The following LCLAT1 variants were observed in gnomAD, a reference collection of about 807,000 sequenced individuals.
LCLAT1 encodes the protein 1-AGP acyltransferase 8.
A neutral mutation model predicts 30.7 loss-of-function variants in LCLAT1; 11 were observed. That is an observed-to-expected ratio of 0.36 (90% CI 0.23 to 0.59). The LOEUF (loss-of-function observed/expected upper bound fraction) is 0.59. Among genes scored for constraint, LCLAT1 ranks in the 20% least tolerant of loss-of-function variants. LCLAT1 has a pLI of 0.77. For synonymous variants in LCLAT1, 155 were observed against 151.3 expected (o/e 1.02, Z -0.18); for missense variants, 402 against 458.6 (o/e 0.88, Z 1.13).
chr2:30,466,086 T>A (rs747672377), intron 1 of LCLAT1, among the ~76,000 whole-genome samples: 1 of 152,134 alleles, frequency 6.6e-6, no homozygotes, highest in African/African-American at 2.4e-5. Context: ...TTTTCTTGCT[T>A]TATTAAAAAT....
intron 5 of LCLAT1, among the ~76,000 whole-genome samples, chr2:30,571,738 A>G (rs1298882223): frequency 6.6e-6 from 1 of 152,208 alleles, no homozygotes; most frequent in East Asian, 1.9e-4. Flanking sequence ...CTTTTCATAC[A>G]GCCTTTTATT....
At chr2:30,489,642 C>T (rs1173133132) in intron 1 of LCLAT1, among the ~76,000 whole-genome samples, 11 of 152,144 alleles carry the variant, frequency 7.2e-5, no homozygotes, top group African/African-American at 2.4e-4. Context: ...GTGAGCACCG[C>T]GCCCAGCCCA....
intron 5 of LCLAT1, chr2:30,607,870 TG>T (rs1667530698): frequency 1.2e-5 from 1 of 82,300 alleles, no homozygotes; most frequent in African/African-American, 4.8e-5. Flanking sequence ...TGTGTGTGTG[TG>T]TGTGTGTGTG....
At chr2:30,492,582 GA>G (rs201358090) in intron 1 of LCLAT1, among the ~76,000 whole-genome samples, 12,810 of 125,780 alleles carry the variant, frequency 0.1, 545 homozygotes, top group African/African-American at 0.12. Context: ...GAAAAAAAAA[GA>G]AAAAAAAAAA....
intron 5 of LCLAT1, among the ~76,000 whole-genome samples, chr2:30,569,550 T>A (rs80318416): frequency 0.092 from 13,961 of 152,222 alleles, 1,329 homozygotes; most frequent in African/African-American, 0.24. Context: ...CTGATATATT[T>A]TCATAAAACT....
chr2:30,618,308 C>T (rs1007404302), intron 5 of LCLAT1, among the ~76,000 whole-genome samples: 1 of 152,056 alleles, frequency 6.6e-6, no homozygotes, highest in African/African-American at 2.4e-5. Flanking sequence ...CAGAAGCAGA[C>T]TAGTTTTTAT....
chr2:30,460,115 T>G (rs1003134013), intron 1 of LCLAT1, among the ~76,000 whole-genome samples: 7 of 152,216 alleles, frequency 4.6e-5, no homozygotes, highest in African/African-American at 1.7e-4. Flanking sequence ...CATAGGAGCT[T>G]ATGTGATACC....
intron 3 of LCLAT1, among the ~76,000 whole-genome samples, chr2:30,550,575 T>C (rs1027316946): frequency 1.1e-4 from 16 of 152,334 alleles, no homozygotes; most frequent in African/African-American, 3.6e-4. Context: ...GGAAGAATAC[T>C]GTAGAGGTGG....
chr2:30,629,780 A>G (rs1330796767), intron 5 of LCLAT1, among the ~76,000 whole-genome samples: 1 of 152,210 alleles, frequency 6.6e-6, no homozygotes, highest in Admixed American at 6.5e-5. Flanking sequence ...TTTTTGTGGA[A>G]AAAACTTAGA....
chr2:30,489,391 C>T (rs112852632), intron 1 of LCLAT1, among the ~76,000 whole-genome samples: 16 of 151,646 alleles, frequency 1.1e-4, no homozygotes, highest in African/African-American at 3.4e-4. Flanking sequence ...CTCGCTCTGT[C>T]GCCCAGGCTG....
At chr2:30,477,801 A>T (rs1025658241) in intron 1 of LCLAT1, among the ~76,000 whole-genome samples, 7 of 152,182 alleles carry the variant, frequency 4.6e-5, no homozygotes, top group Non-Finnish European at 1.0e-4. Flanking sequence ...AGGGCTCCCG[A>T]GAAGAATATT....
At chr2:30,568,026 T>C in intron 4 of LCLAT1, 34 bp from the exon 5 acceptor site, 1 of 1,124,532 alleles carries the variant, frequency 8.9e-7, no homozygotes, top group South Asian at 1.4e-5. Flanking sequence ...TTCCCTTTAG[T>C]TTATGATTTA....
intron 1 of LCLAT1, among the ~76,000 whole-genome samples, chr2:30,478,209 A>G (rs1048900672): frequency 7.2e-5 from 11 of 152,172 alleles, no homozygotes; most frequent in Non-Finnish European, 1.2e-4. Flanking sequence ...GCATTTATTC[A>G]TAATGGTTAA....
At chr2:30,526,525 T>G (rs913394861) in intron 2 of LCLAT1, among the ~76,000 whole-genome samples, 1 of 152,194 alleles carries the variant, frequency 6.6e-6, no homozygotes, top group Non-Finnish European at 1.5e-5. Flanking sequence ...TATAGCCATA[T>G]TTTCCTTTAA....
intron 5 of LCLAT1, among the ~76,000 whole-genome samples, chr2:30,577,122 A>G (rs1666024422): frequency 8.2e-6 from 1 of 122,604 alleles, no homozygotes; most frequent in African/African-American, 2.7e-5. Context: ...TCATGTAATA[A>G]TATTATATAT....
chr2:30,470,726 G>T lies in LCLAT1; in HGVS notation c.-5+23343G>T, dbSNP rs913615374. ...AGTCCTCCAACTTTGTTCTTTTTCAGTGTTGTTTTGGCTGCTTGGAACCAC... is the reference window on the plus strand; with the variant it reads ...AGTCCTCCAACTTTGTTCTTTTTCATTGTTGTTTTGGCTGCTTGGAACCAC... On this transcript the variant is annotated intron_variant, in intron 1 of 5. Coordinates refer to ENST00000379509, the MANE Select transcript of LCLAT1 (RefSeq NM_001002257.3). Among the ~76,000 whole-genome samples the T allele has an allele frequency of 2.0e-5, 3 of 152,086 alleles. No individual in the cohort carries two copies. In the South Asian group the frequency reaches 6.2e-4, roughly 32 times the overall value.
At chr2:30,559,740 CT>C (rs537328435) in intron 3 of LCLAT1, among the ~76,000 whole-genome samples, 18 of 152,152 alleles carry the variant, frequency 1.2e-4, no homozygotes, top group Non-Finnish European at 2.1e-4. Flanking sequence ...CTCTTCATCT[CT>C]TTCTAGTTAA....
intron 1 of LCLAT1, among the ~76,000 whole-genome samples, chr2:30,506,974 T>C (rs996132870): frequency 4.6e-5 from 7 of 152,192 alleles, no homozygotes; most frequent in African/African-American, 1.7e-4. Context: ...TTTCAATTCC[T>C]TCAGATTGCA....
rs76395971 is a variant in LCLAT1, at chr2:30,581,765, G to A, written c.628+13589G>A. ...GTTACTAGAGGCTGGAAAAGTGAAGGGAAATAGCCAAAGGTTGGTTAATGG... is the reference window on the plus strand; with the variant it reads ...GTTACTAGAGGCTGGAAAAGTGAAGAGAAATAGCCAAAGGTTGGTTAATGG... On this transcript the variant is annotated intron_variant, in intron 5 of 5. Coordinates refer to ENST00000379509, the MANE Select transcript of LCLAT1 (RefSeq NM_001002257.3). Among the ~76,000 whole-genome samples the A allele has an allele frequency of 5.4e-3, 828 of 152,218 alleles. 1 individual carries two copies. The highest frequency in any genetic ancestry group is 9.8e-3 in the Non-Finnish European group (667 of 68,010).
Sources: gnomAD v4.1 joint callset for allele counts (sites outside exome capture counted in the v4.1 genomes callset) on GRCh38, gnomAD v4.1.1 for gene constraint, MANE v1.5 for transcripts, NCBI Gene and HGNC (gene_info 2026-07-23, HGNC 2026-07-21) for gene names.